The following MAML3 variants were observed in gnomAD, a reference collection of about 807,000 sequenced individuals.
MAML3 encodes mastermind-like protein 3.
MAML3 carries 27 observed loss-of-function variants against 101.9 expected under a neutral mutation model. That is an observed-to-expected ratio of 0.27 (90% CI 0.20 to 0.37). The LOEUF is 0.37. Among genes scored for constraint, MAML3 ranks in the 10% least tolerant of loss-of-function variants. The pLI is 1.00. For missense variants in MAML3, 1,316 were observed against 1,444.9 expected (o/e 0.91, Z 1.45); for synonymous variants, 501 against 555.9 (o/e 0.90, Z 1.39).
chr4:139,762,670 C>A (rs1393203797), intron 2 of MAML3, among the ~76,000 whole-genome samples: 1 of 152,294 alleles, frequency 6.6e-6, no homozygotes, highest in Middle Eastern at 3.4e-3. Context: ...CAGGCCTCCT[C>A]GAGAAAGTAT....
intron 1 of MAML3, among the ~76,000 whole-genome samples, chr4:140,021,337 G>A (rs1726729853): frequency 6.6e-6 from 1 of 151,946 alleles, no homozygotes; most frequent in South Asian, 2.1e-4. Context: ...AACTAGGGCT[G>A]GAAAAAAAGA....
At chr4:139,838,581 A>G (rs1357489749) in intron 2 of MAML3, among the ~76,000 whole-genome samples, 2 of 152,118 alleles carry the variant, frequency 1.3e-5, no homozygotes, top group Non-Finnish European at 2.9e-5. Context: ...AGATTCTGAA[A>G]GTGTTGCTGT....
rs113250042 is a variant in MAML3 at position 139,831,895 on chromosome 4, C to T, written c.2079+57462G>A. 7.2e-3 allele frequency among the ~76,000 whole-genome samples: 1,092 copies of T among 151,230 alleles called. 17 individuals carry two copies. The highest frequency in any genetic ancestry group is 0.025 in the African/African-American group (1,013 of 41,172). ...GCAACCTCCGCCTCCCAGGTTCAAG[C>T]GATTCTCCTGCCTCAGCCTCCCAAG... On this transcript the variant is annotated intron_variant, in intron 2 of 4. Coordinates refer to ENST00000509479, the MANE Select transcript of MAML3 (RefSeq NM_018717.5).
chr4:140,119,829 C>T (rs900400112), intron 1 of MAML3, among the ~76,000 whole-genome samples: 2 of 152,122 alleles, frequency 1.3e-5, no homozygotes, highest in African/African-American at 2.4e-5. Context: ...TCAAACATCT[C>T]TCAATCTCTC....
intron 1 of MAML3, among the ~76,000 whole-genome samples, chr4:139,932,806 A>G (rs1031527083): frequency 2.0e-5 from 3 of 152,228 alleles, no homozygotes; most frequent in Non-Finnish European, 4.4e-5. Context: ...AGCCATGGTG[A>G]TCTCTCGTAT....
At chr4:140,131,106 C>T (rs537314899) in intron 1 of MAML3, among the ~76,000 whole-genome samples, 26 of 152,258 alleles carry the variant, frequency 1.7e-4, no homozygotes, top group Non-Finnish European at 5.9e-5. Context: ...CCAAAACCCT[C>T]CAGTCATTTC....
chr4:139,933,815 T>C lies in MAML3; in HGVS notation c.469-42848A>G, dbSNP rs141930082. 2.0e-5 allele frequency among the ~76,000 whole-genome samples: 3 copies of C among 152,302 alleles called. No homozygotes were observed. In the East Asian group the frequency reaches 5.8e-4, roughly 29 times the overall value. The stretch of plus-strand genomic sequence containing the variant: ...CCGCTTCCTGAGGTCAGCCTGGGGC[T>C]TTGTTTGAAAACCAGGAGTAGCACA... On this transcript the variant is annotated intron_variant, in intron 1 of 4. Coordinates refer to ENST00000509479, the MANE Select transcript of MAML3 (RefSeq NM_018717.5).
chr4:139,858,805 C>T (rs1731714974), intron 2 of MAML3, among the ~76,000 whole-genome samples: 1 of 152,120 alleles, frequency 6.6e-6, no homozygotes, highest in South Asian at 2.1e-4. Flanking sequence ...CGAACACATC[C>T]AGGATACAAT....
intron 1 of MAML3, among the ~76,000 whole-genome samples, chr4:140,133,707 G>A (rs1578702275): frequency 6.6e-6 from 1 of 152,208 alleles, no homozygotes; most frequent in Non-Finnish European, 1.5e-5. Context: ...TGGAAAACCT[G>A]TAGCAAAGGT....
chr4:140,123,543 G>C (rs1192937735), intron 1 of MAML3, among the ~76,000 whole-genome samples: 1 of 151,802 alleles, frequency 6.6e-6, no homozygotes, highest in African/African-American at 2.4e-5. Flanking sequence ...ACTTTCATTA[G>C]GTCTTCTGTT....
chr4:140,150,597 C>T (rs915667804), intron 1 of MAML3, among the ~76,000 whole-genome samples: 26 of 152,206 alleles, frequency 1.7e-4, no homozygotes, highest in African/African-American at 6.3e-4. Context: ...ATTTTGGAGC[C>T]TCCCGAAAGG....
intron 1 of MAML3, among the ~76,000 whole-genome samples, chr4:139,988,549 C>T (rs1439707337): frequency 6.6e-6 from 1 of 152,100 alleles, no homozygotes; most frequent in East Asian, 1.9e-4. Context: ...ACAGAAAAGT[C>T]TAAGTTCATT....
rs1247332016 is a variant in MAML3 at position 139,994,700 on chromosome 4, C to T, written c.469-103733G>A. Among the ~76,000 whole-genome samples, 5 of 151,794 alleles carry T rather than the reference C, an allele frequency of 3.3e-5. No individual in the cohort carries two copies. The South Asian group carries it at 6.2e-4, about 19-fold the overall frequency. The stretch of plus-strand genomic sequence containing the variant: ...AATTAATTAATTAATAGAAATGGAA[C>T]GTTTTTGTATATTAATCTTGTATCT... On this transcript the variant is annotated intron_variant, in intron 1 of 4. Transcript: ENST00000509479.
At chr4:140,082,566 T>C (rs1727875723) in intron 1 of MAML3, among the ~76,000 whole-genome samples, 2 of 152,096 alleles carry the variant, frequency 1.3e-5, no homozygotes, top group Non-Finnish European at 2.9e-5. Context: ...CACTAGCCCA[T>C]ACCAAGGCAT....
At chr4:139,731,690 A>G (rs13108476) in intron 2 of MAML3, among the ~76,000 whole-genome samples, 58,347 of 151,914 alleles carry the variant, frequency 0.38, 12,082 homozygotes, top group South Asian at 0.53. Context: ...TCTTGATTCT[A>G]TAATTATATG....
chr4:140,107,574 G>A (rs372678239), intron 1 of MAML3, among the ~76,000 whole-genome samples: 58 of 150,320 alleles, frequency 3.9e-4, no homozygotes, highest in African/African-American at 1.2e-3. Flanking sequence ...GCGCGATCTC[G>A]GCTCACTGCA....
chr4:140,118,910 T>G (rs1728558478), intron 1 of MAML3, among the ~76,000 whole-genome samples: 1 of 152,204 alleles, frequency 6.6e-6, no homozygotes, highest in South Asian at 2.1e-4. Flanking sequence ...ACAGAATGGA[T>G]GCAGCATCCT....
chr4:139,939,567 C>A (rs933389567), intron 1 of MAML3, among the ~76,000 whole-genome samples: 3 of 152,136 alleles, frequency 2.0e-5, no homozygotes, highest in African/African-American at 7.2e-5. Context: ...GGGGTCTTTG[C>A]TGTTAAAATT....
At chr4:139,888,522 C>T (rs895228915) in intron 2 of MAML3, 3 of 518,782 alleles carry the variant, frequency 5.8e-6, no homozygotes, top group Admixed American at 3.9e-5. Context: ...ATTAAAGGAG[C>T]TTTGGCTGTT....
Sources: allele counts gnomAD v4.1 joint callset (sites outside exome capture counted in the v4.1 genomes callset), GRCh38; gene constraint gnomAD v4.1.1; transcripts MANE v1.5; gene names NCBI Gene and HGNC (gene_info 2026-07-23, HGNC 2026-07-21).